EPHA6: variants seen among roughly 807,000 people sequenced by gnomAD.
The protein encoded by EPHA6 is EPH receptor A6, also known as ephrin type-A receptor 6.
In EPHA6, 50 loss-of-function variants were observed where a neutral mutation model predicts 112.0. The ratio of observed to expected loss-of-function variants is 0.45; its 90% CI spans 0.36 to 0.56. EPHA6 has a LOEUF of 0.56. Among genes scored for constraint, EPHA6 ranks in the 20% least tolerant of loss-of-function variants. The probability of loss-of-function intolerance (pLI) is 0.00; values close to 1 mark genes in which losing one functional copy is unlikely to be tolerated. For synonymous variants in EPHA6, 529 were observed against 490.7 expected (o/e 1.08, Z -1.03); for missense variants, 1,280 against 1,417.4 (o/e 0.90, Z 1.56).
intron 10 of EPHA6, among the ~76,000 whole-genome samples, chr3:97,492,758 G>C (rs1184891062): frequency 6.6e-6 from 1 of 151,718 alleles, no homozygotes; most frequent in African/African-American, 2.4e-5. Flanking sequence ...TGGGAGATCA[G>C]ATCGCATTAG....
At chr3:97,646,254 A>G (rs1364742525) in intron 14 of EPHA6, 1 of 1,535,350 alleles carries the variant, frequency 6.5e-7, no homozygotes. Flanking sequence ...CAGAAGGGCC[A>G]TGGGAGCCAG....
At chr3:97,610,704 A>G in intron 12 of EPHA6, 89 bp from the exon 13 acceptor site, 1 of 994,086 alleles carries the variant, frequency 1.0e-6, no homozygotes, top group African/African-American at 1.6e-5. Context: ...AATACAAATA[A>G]TTTAGTTGCC....
intron 5 of EPHA6, among the ~76,000 whole-genome samples, chr3:97,248,614 A>C (rs2079047054): frequency 6.6e-6 from 1 of 152,064 alleles, no homozygotes; most frequent in Non-Finnish European, 1.5e-5. Flanking sequence ...GTCAGAAGCA[A>C]GTTGTCCAAT....
chr3:96,877,925 ATATAT>A (rs957085590), intron 2 of EPHA6, among the ~76,000 whole-genome samples: 31 of 127,826 alleles, frequency 2.4e-4, no homozygotes, highest in African/African-American at 1.2e-3. Flanking sequence ...ATATATATAT[ATATAT>A]TTTTTTTTTT....
chr3:97,150,292 A>G (rs1313133411), intron 3 of EPHA6, among the ~76,000 whole-genome samples: 2 of 152,114 alleles, frequency 1.3e-5, no homozygotes, highest in Non-Finnish European at 2.9e-5. Context: ...TAATGTTTCT[A>G]TATATCATCT....
intron 11 of EPHA6, among the ~76,000 whole-genome samples, chr3:97,543,702 C>G (rs1364119206): frequency 6.6e-6 from 1 of 151,886 alleles, no homozygotes; most frequent in Non-Finnish European, 1.5e-5. Context: ...GCCATTTTCA[C>G]GATATTGATT....
intron 3 of EPHA6, among the ~76,000 whole-genome samples, chr3:97,223,069 GA>G (rs1360505447): frequency 1.3e-5 from 2 of 152,126 alleles, no homozygotes; most frequent in Non-Finnish European, 2.9e-5. Context: ...TAAAGCAGGA[GA>G]AAGAGCATGG....
Position 96,866,889 on chromosome 3 carries a change from G to A in EPHA6, c.450G>A (p.Gly150=). The A allele has an allele frequency of 6.8e-7, 1 of 1,463,924 alleles. No individual in the cohort carries two copies. The highest frequency in any genetic ancestry group is 1.4e-5 in the South Asian group (1 of 70,016). 90.7% of individuals were successfully genotyped at this position (1,463,924 alleles called of 1,614,324 possible). ...GATGGAAAACATATCCATTAAATGG[G>A]GTAAGTTTAAATATCTGAAAAATTG... ...ELGWKTYPLN[G]WDAITEMDEH... Residue 150 remains glycine, a splice_region_variant and synonymous_variant, in exon 2 of 18, where the codon GGG becomes GGA. Coordinates refer to ENST00000389672, the MANE Select transcript of EPHA6 (RefSeq NM_001080448.3).
chr3:97,244,329 C>A (rs1026644477), intron 5 of EPHA6, 42 bp downstream of exon 5: 2 of 1,543,494 alleles, frequency 1.3e-6, no homozygotes, highest in East Asian at 2.2e-5. Flanking sequence ...CCCATAATTT[C>A]TTTTGATGCA....
chr3:97,546,490 C>A (rs1480753643), intron 11 of EPHA6, among the ~76,000 whole-genome samples: 1 of 152,108 alleles, frequency 6.6e-6, no homozygotes, highest in African/African-American at 2.4e-5. Flanking sequence ...CTCTGGCTGC[C>A]CTTAACATTT....
At chr3:97,165,372 A>T (rs559411085) in intron 3 of EPHA6, among the ~76,000 whole-genome samples, 3 of 152,290 alleles carry the variant, frequency 2.0e-5, no homozygotes, top group Admixed American at 1.3e-4. Flanking sequence ...AAATTATTAT[A>T]AACAGTATAC....
intron 5 of EPHA6, among the ~76,000 whole-genome samples, chr3:97,245,926 T>G (rs1337115744): frequency 6.6e-6 from 1 of 151,998 alleles, no homozygotes; most frequent in South Asian, 2.1e-4. Context: ...ATAAATTCAC[T>G]TTGCTGATAA....
intron 3 of EPHA6, among the ~76,000 whole-genome samples, chr3:97,078,499 G>A (rs930975307): frequency 5.3e-5 from 8 of 152,232 alleles, no homozygotes; most frequent in Non-Finnish European, 1.0e-4. Context: ...TATTGCTTAG[G>A]TTTTCTTCTA....
chr3:97,633,805 A>T lies in EPHA6; in HGVS notation c.2575-4068A>T, dbSNP rs1226806574. On this transcript the variant is annotated intron_variant, in intron 13 of 17. Coordinates refer to ENST00000389672, the MANE Select transcript of EPHA6 (RefSeq NM_001080448.3). The stretch of plus-strand genomic sequence containing the variant: ...GGAGGCTATGTTGAGGAAGACCAGA[A>T]AAAGGAATATAGATTTTGTTTGAAT... Among the ~76,000 whole-genome samples, 3 of 152,118 alleles carry T rather than the reference A, an allele frequency of 2.0e-5. No individual in the cohort carries two copies. The East Asian group carries it at 5.8e-4, about 29-fold the overall frequency.
intron 3 of EPHA6, among the ~76,000 whole-genome samples, chr3:97,040,725 A>G (rs943097196): frequency 2.6e-5 from 4 of 152,248 alleles, no homozygotes; most frequent in African/African-American, 7.2e-5. Flanking sequence ...CTTCAGAGAT[A>G]ATTTATTTCA....
intron 11 of EPHA6, among the ~76,000 whole-genome samples, chr3:97,560,807 G>A (rs529190967): frequency 5.5e-4 from 84 of 151,984 alleles, no homozygotes; most frequent in Non-Finnish European, 9.0e-4. Context: ...CAGGTATTGC[G>A]TTTTTTACAA....
intron 2 of EPHA6, among the ~76,000 whole-genome samples, chr3:96,899,329 A>G (rs558013473): frequency 6.6e-6 from 1 of 152,264 alleles, no homozygotes; most frequent in Admixed American, 6.5e-5. Context: ...GGACTTGGGG[A>G]GTTCCCTAAT....
chr3:97,367,788 C>A (rs988351690), intron 5 of EPHA6, among the ~76,000 whole-genome samples: 2 of 152,016 alleles, frequency 1.3e-5, no homozygotes, highest in African/African-American at 4.8e-5. Context: ...GTTAATACAA[C>A]TAGCCAGAAT....
At chr3:96,942,634 G>C (rs973532120) in intron 2 of EPHA6, among the ~76,000 whole-genome samples, 1 of 152,324 alleles carries the variant, frequency 6.6e-6, no homozygotes, top group Admixed American at 6.5e-5. Flanking sequence ...TGCGCCCACT[G>C]TCTGGCACTC....
Sources: gnomAD v4.1 joint callset for allele counts (sites outside exome capture counted in the v4.1 genomes callset) on GRCh38, gnomAD v4.1.1 for gene constraint, MANE v1.5 for transcripts, NCBI Gene and HGNC (gene_info 2026-07-23, HGNC 2026-07-21) for gene names.